The following NT5DC1 variants were observed in gnomAD, a reference collection of about 807,000 sequenced individuals.
NT5DC1 encodes the protein 5'-nucleotidase domain containing 1.
In NT5DC1, 42 loss-of-function variants were observed where a neutral mutation model predicts 59.4. That is an observed-to-expected ratio of 0.71 (90% CI 0.55 to 0.92). The LOEUF (loss-of-function observed/expected upper bound fraction) is 0.92. NT5DC1 is among the 40% of genes least tolerant of loss of function. The pLI, the probability that NT5DC1 is intolerant of heterozygous loss-of-function variation, is 0.00. For missense variants in NT5DC1, 501 were observed against 537.1 expected (o/e 0.93, Z 0.66); for synonymous variants, 172 against 188.1 (o/e 0.91, Z 0.70).
chr6:116,131,277 A>G (rs565423644), intron 6 of NT5DC1, among the ~76,000 whole-genome samples: 1 of 152,314 alleles, frequency 6.6e-6, no homozygotes, highest in East Asian at 1.9e-4. Flanking sequence ...TTTATAAAAC[A>G]AGGAATATTC....
intron 6 of NT5DC1, among the ~76,000 whole-genome samples, chr6:116,143,991 T>G (rs1327917515): frequency 6.6e-6 from 1 of 152,154 alleles, no homozygotes; most frequent in Non-Finnish European, 1.5e-5. Context: ...GAGAAAAAAC[T>G]TAGAAAGATT....
rs183403128 is a variant in NT5DC1 at position 116,167,854 on chromosome 6, G to A, written c.529+49909G>A. ...GCTAAACAATCATATCTGTGTATTG[G>A]ATGTTGATTTTCTGAAAATTTTTTT... On this transcript the variant is annotated intron_variant, in intron 6 of 11. Transcript: ENST00000319550. Among the ~76,000 whole-genome samples the A allele has an allele frequency of 8.7e-4, 132 of 152,190 alleles. 1 individual carries two copies. The highest frequency in any genetic ancestry group is 3.4e-3 in the Middle Eastern group (1 of 292).
Position 116,156,878 on chromosome 6 carries a change from A to G in NT5DC1, c.529+38933A>G, listed in dbSNP as rs546934848. ...CCCATTACATCACAACTCTTGCCAC[A>G]ACCCCTTTTGTTCTCCTCAGGAGCC... On this transcript the variant is annotated intron_variant, in intron 6 of 11. Transcript: ENST00000319550. Among the ~76,000 whole-genome samples the G allele has an allele frequency of 4.6e-5, 7 of 152,082 alleles. No individual in the cohort carries two copies. In the South Asian group the frequency reaches 1.5e-3, roughly 32 times the overall value.
At chr6:116,159,799 C>T (rs1395781416) in intron 6 of NT5DC1, among the ~76,000 whole-genome samples, 1 of 152,130 alleles carries the variant, frequency 6.6e-6, no homozygotes, top group Non-Finnish European at 1.5e-5. Context: ...CTTTTGGAGT[C>T]CCCAATATCT....
chr6:116,140,181 G>A (rs1270723087), intron 6 of NT5DC1, among the ~76,000 whole-genome samples: 1 of 152,072 alleles, frequency 6.6e-6, no homozygotes, highest in Non-Finnish European at 1.5e-5. Context: ...CATGCTCTCA[G>A]GTATTTTCAA....
intron 6 of NT5DC1, among the ~76,000 whole-genome samples, chr6:116,136,563 G>A (rs1009058735): frequency 1.3e-5 from 2 of 151,976 alleles, no homozygotes; most frequent in Non-Finnish European, 2.9e-5. Flanking sequence ...TTGAACCCAA[G>A]TTTTTCTTCC....
chr6:116,135,433 A>T (rs1430889175), intron 6 of NT5DC1, among the ~76,000 whole-genome samples: 1 of 151,806 alleles, frequency 6.6e-6, no homozygotes, highest in East Asian at 1.9e-4. Flanking sequence ...TTTTTATTTA[A>T]CAACTCCATG....
intron 6 of NT5DC1, among the ~76,000 whole-genome samples, chr6:116,167,561 A>G (rs920531105): frequency 1.3e-5 from 2 of 152,134 alleles, no homozygotes; most frequent in African/African-American, 4.8e-5. Flanking sequence ...GATACCAGTT[A>G]TTTGTACTGA....
chr6:116,230,378 A>G (rs1781995499), intron 8 of NT5DC1, among the ~76,000 whole-genome samples: 1 of 152,162 alleles, frequency 6.6e-6, no homozygotes, highest in South Asian at 2.1e-4. Context: ...CTATCTCCAT[A>G]AAAGTACCCT....
intron 8 of NT5DC1, among the ~76,000 whole-genome samples, chr6:116,231,849 A>C (rs533920907): frequency 1.2e-4 from 19 of 152,392 alleles, no homozygotes; most frequent in Non-Finnish European, 1.9e-4. Flanking sequence ...ATAGTTTAAA[A>C]ATAGCAAGTT....
intron 6 of NT5DC1, among the ~76,000 whole-genome samples, chr6:116,191,631 G>A (rs1582864675): frequency 6.6e-6 from 1 of 152,144 alleles, no homozygotes; most frequent in East Asian, 1.9e-4. Flanking sequence ...AGTGCAGTAG[G>A]AAAATACAGT....
At chr6:116,215,315 C>T (rs1781668348) in intron 6 of NT5DC1, among the ~76,000 whole-genome samples, 1 of 152,110 alleles carries the variant, frequency 6.6e-6, no homozygotes, top group African/African-American at 2.4e-5. Context: ...AACATGGTCT[C>T]CAAACTTTTT....
At chr6:116,236,163 AAG>A (rs1431294439) in intron 8 of NT5DC1, among the ~76,000 whole-genome samples, 2 of 152,234 alleles carry the variant, frequency 1.3e-5, no homozygotes, top group African/African-American at 4.8e-5. Context: ...TGTGAGAAAA[AAG>A]AGGTTATTTT....
chr6:116,212,107 ATTC>A (rs1781591741), intron 6 of NT5DC1, among the ~76,000 whole-genome samples: 1 of 152,104 alleles, frequency 6.6e-6, no homozygotes, highest in African/African-American at 2.4e-5. Context: ...TATTTTATCA[ATTC>A]TTTTTCAAAT....
At chr6:116,108,937 T>TC (rs1195465377) in intron 3 of NT5DC1, among the ~76,000 whole-genome samples, 7 of 152,184 alleles carry the variant, frequency 4.6e-5, no homozygotes, top group African/African-American at 1.7e-4. Context: ...TCTGGACTGT[T>TC]CCAAGTCTCA....
rs879734138 is a variant in NT5DC1 at position 116,248,496 on chromosome 6, G to A, written c.*4472G>A. The A allele has an allele frequency of 6.6e-6, 1 of 152,204 alleles. No homozygotes were observed. Among genetic ancestry groups the A allele is most frequent in the African/African-American group, 2.4e-5 (1 of 41,442 alleles). 9.4% of individuals were successfully genotyped at this position (152,204 alleles called of 1,614,324 possible). A position where few individuals can be genotyped will look rare whatever the true frequency, so the allele number is the denominator to read the frequency against. ...GTTAATGATGAAAACATTTAAGGAC[G>A]TTGAGTTAACTGGAGATAAAGCAGC... On this transcript the variant is annotated 3_prime_UTR_variant, in exon 12 of 12. Transcript: ENST00000319550.
At chr6:116,199,185 C>A (rs1204842) in intron 6 of NT5DC1, among the ~76,000 whole-genome samples, 64,501 of 151,886 alleles carry the variant, frequency 0.42, 17,621 homozygotes, top group African/African-American at 0.78. Context: ...GAAAGACAGA[C>A]TCTCCAGTTG....
chr6:116,114,576 T>C (rs968722293), intron 4 of NT5DC1, among the ~76,000 whole-genome samples: 1 of 149,486 alleles, frequency 6.7e-6, no homozygotes, highest in African/African-American at 2.5e-5. Flanking sequence ...AATGATGTAT[T>C]CAAGCACCTT....
intron 8 of NT5DC1, among the ~76,000 whole-genome samples, chr6:116,223,955 G>A (rs1781859272): frequency 6.6e-6 from 1 of 152,068 alleles, no homozygotes; most frequent in African/African-American, 2.4e-5. Flanking sequence ...AAATCTAGCT[G>A]TATTTTAAAC....
Sources: gnomAD v4.1 joint callset for allele counts (sites outside exome capture counted in the v4.1 genomes callset) on GRCh38, gnomAD v4.1.1 for gene constraint, MANE v1.5 for transcripts, NCBI Gene and HGNC (gene_info 2026-07-23, HGNC 2026-07-21) for gene names.